AGO2: variants seen among roughly 807,000 people sequenced by gnomAD.
The protein encoded by AGO2 is protein argonaute-2.
AGO2 carries 5 observed loss-of-function variants against 102.3 expected under a neutral mutation model. That is an observed-to-expected ratio of 0.05 (90% CI 0.03 to 0.10). The LOEUF is 0.10. AGO2 is among the 10% of genes least tolerant of loss of function. AGO2 has a pLI of 1.00. For missense variants in AGO2, 541 were observed against 1,183.7 expected (o/e 0.46, Z 7.97); for synonymous variants, 449 against 473.1 (o/e 0.95, Z 0.66).
upstream of AGO2, chr8:140,636,204 C>G (rs577104705): frequency 6.6e-6 from 1 of 152,108 alleles, no homozygotes; most frequent in Non-Finnish European, 1.5e-5. Flanking sequence ...CGGCCGCTCG[C>G]GCAGGACCAC....
intron 1 of AGO2, among the ~76,000 whole-genome samples, chr8:140,610,343 G>C (rs1402844563): frequency 6.6e-6 from 1 of 152,012 alleles, no homozygotes; most frequent in African/African-American, 2.4e-5. Flanking sequence ...TCAGCCTCCC[G>C]AGTAGCTGGG....
Position 140,572,910 on chromosome 8 carries a change from G to C in AGO2, c.238C>G (p.Gln80Glu). The C allele has an allele frequency of 6.2e-7, 1 of 1,612,170 alleles. No homozygotes were observed. Among genetic ancestry groups the C allele is most frequent in the Non-Finnish European group, 8.5e-7 (1 of 1,179,428 alleles). ...VNREIVEHMV[Q>E]HFKTQIFGDR... ...CCAAAGATCTGTGTTTTAAAGTGCT[G>C]GACCATGTGTTCCACGATTTCCCTG... The change falls in exon 3 of 19, where the codon CAG becomes GAG. Residue 80 changes from glutamine to glutamate, a missense_variant. Physicochemically the swap from Gln to Glu is conservative, Grantham distance 29. Transcript: ENST00000220592.
chr8:140,612,631 T>C (rs1389475187), intron 1 of AGO2, among the ~76,000 whole-genome samples: 1 of 151,644 alleles, frequency 6.6e-6, no homozygotes, highest in Admixed American at 6.6e-5. Context: ...GTGGTGGCTG[T>C]AATCCCAGCT....
At position 140,635,518 on chromosome 8, in the gene AGO2, C is replaced by T; in HGVS notation, c.-12G>A. 1.0e-6 allele frequency: 1 copy of T among 979,046 alleles called. No homozygotes were observed. Among genetic ancestry groups the T allele is most frequent in the Non-Finnish European group, 1.2e-6 (1 of 826,978 alleles). 60.6% of individuals were successfully genotyped at this position (979,046 alleles called of 1,614,324 possible). A position where few individuals can be genotyped will look rare whatever the true frequency, so the allele number is the denominator to read the frequency against. ...GCTCCCGAGTACATGGTGGCGCCGC[C>T]GAGGGGCTCCGGGGCCGAGGGGCGG... On this transcript the variant is annotated 5_prime_UTR_variant, in exon 1 of 19. Transcript: ENST00000220592.
chr8:140,573,620 C>T (rs569695856), intron 2 of AGO2, among the ~76,000 whole-genome samples: 5 of 152,346 alleles, frequency 3.3e-5, no homozygotes, highest in Admixed American at 6.5e-5. Context: ...GAACCTGATA[C>T]GCGCTGGGCA....
At position 140,527,130 on chromosome 8, in the gene AGO2, CA is replaced by C. The variant is rs2072520908; in HGVS notation, c.*4913del. Reference sequence around the variant, plus strand: ...ATCAAACAGACCACAACAGTGTTCACAAGACTGCAACGAGTCTGCTTAGGAC... The same window carrying C: ...ATCAAACAGACCACAACAGTGTTCACAGACTGCAACGAGTCTGCTTAGGAC... On this transcript the variant is annotated 3_prime_UTR_variant, in exon 19 of 19. Coordinates refer to ENST00000220592, the MANE Select transcript of AGO2 (RefSeq NM_012154.5). This position sits in a 1 kb window ranked among gnomAD's most constrained non-coding sequence, Gnocchi z 6.0. The C allele has an allele frequency of 6.6e-6, 1 of 152,338 alleles. No homozygotes were observed. Among genetic ancestry groups the C allele is most frequent in the African/African-American group, 2.4e-5 (1 of 41,572 alleles). 9.4% of individuals were successfully genotyped at this position (152,338 alleles called of 1,614,324 possible). A position where few individuals can be genotyped will look rare whatever the true frequency, so the allele number is the denominator to read the frequency against.
chr8:140,532,319 G>C (rs535806194), intron 18 of AGO2, 97 bp downstream of exon 18: 14 of 1,471,366 alleles, frequency 9.5e-6, no homozygotes, highest in Non-Finnish European at 1.3e-5. Context: ...GGCTCCAGCC[G>C]CTGGGGCCCT....
chr8:140,541,185 G>C lies in AGO2; in HGVS notation c.2013C>G (p.Val671=). ...PTRIIFYRDG[V]SEGQFQQVLH... is the part of the protein sequence containing the mutation. ...CCACCTGCTGGAACTGGCCTTCAGAGACACCGTCGCGGTAGAAGATGATGC... is the reference window on the plus strand; with the variant it reads ...CCACCTGCTGGAACTGGCCTTCAGACACACCGTCGCGGTAGAAGATGATGC... The change falls in exon 15 of 19, where the codon GTC becomes GTG. Residue 671 remains valine, a synonymous_variant. Transcript: ENST00000220592. The C allele has an allele frequency of 1.3e-6, 2 of 1,570,120 alleles. No individual in the cohort carries two copies. The highest frequency in any genetic ancestry group is 2.3e-5 in the East Asian group (1 of 42,718).
chr8:140,572,355 G>C (rs2073391756), intron 3 of AGO2: 1 of 153,160 alleles, frequency 6.5e-6, no homozygotes, highest in Non-Finnish European at 1.5e-5. Flanking sequence ...ATTTTCCATA[G>C]GTCTTCTTGT....
chr8:140,640,723 A>G, the AGO2 span, among the ~76,000 whole-genome samples: 4 of 151,806 alleles, frequency 2.6e-5, no homozygotes, highest in East Asian at 2.0e-4. Flanking sequence ...GTTTCACCAT[A>G]TTGGCCAGGC....
intron 1 of AGO2, among the ~76,000 whole-genome samples, chr8:140,595,548 C>G (rs1265932450): frequency 6.8e-6 from 1 of 146,680 alleles, no homozygotes. Context: ...CTCAAGTGAT[C>G]CTCCTGTCCC....
chr8:140,630,185 C>A (rs917230960), intron 1 of AGO2, among the ~76,000 whole-genome samples: 1 of 152,198 alleles, frequency 6.6e-6, no homozygotes. Flanking sequence ...AATGTTCCAG[C>A]CTGTTCATCT....
chr8:140,610,035 A>T (rs1322586688), intron 1 of AGO2, among the ~76,000 whole-genome samples: 1 of 8,394 alleles, frequency 1.2e-4, no homozygotes, highest in Non-Finnish European at 3.4e-4. Context: ...CTCTAAAAAA[A>T]AAAAAAAAAA....
In AGO2 at chr8:140,523,421, A is replaced by G. The variant is rs1396811201; in HGVS notation, c.*8623T>C. The stretch of plus-strand genomic sequence containing the variant: ...ATAAAAATAAAATAAAACTAGAAAA[A>G]TTGATAAAACTAAGGGTTAAAAGCC... On this transcript the variant is annotated 3_prime_UTR_variant, in exon 19 of 19. Transcript: ENST00000220592. The G allele has an allele frequency of 6.6e-6, 1 of 152,174 alleles. No homozygotes were observed. Among genetic ancestry groups the G allele is most frequent in the Non-Finnish European group, 1.5e-5 (1 of 68,032 alleles). 9.4% of individuals were successfully genotyped at this position (152,174 alleles called of 1,614,324 possible).
intron 3 of AGO2, among the ~76,000 whole-genome samples, chr8:140,570,273 T>A (rs2073357404): frequency 6.6e-6 from 1 of 152,234 alleles, no homozygotes; most frequent in African/African-American, 2.4e-5. Flanking sequence ...TGCCCAAGGC[T>A]GGAGTGCAAT....
rs895588921 is a variant in AGO2 at position 140,521,562 on chromosome 8, C to G, written c.*10482G>C. On this transcript the variant is annotated 3_prime_UTR_variant, in exon 19 of 19. Transcript: ENST00000220592. The stretch of plus-strand genomic sequence containing the variant: ...AAAGAATTAAGTAAAAAAAGATCGC[C>G]ATAGTAGGAAAAGTCTAGAATTGTA... The G allele has an allele frequency of 6.6e-6, 1 of 152,204 alleles. No individual in the cohort carries two copies. Among genetic ancestry groups the G allele is most frequent in the African/African-American group, 2.4e-5 (1 of 41,456 alleles). The allele number at this position is 152,204 out of a possible 1,614,324, so 9.4% of individuals were successfully genotyped here.
chr8:140,546,982 T>A (rs969695620), intron 13 of AGO2, among the ~76,000 whole-genome samples: 1 of 151,454 alleles, frequency 6.6e-6, no homozygotes, highest in Non-Finnish European at 1.5e-5. Context: ...GACCGGCAGG[T>A]GGCCAGCGCT....
chr8:140,614,354 A>T (rs995037783), intron 1 of AGO2, among the ~76,000 whole-genome samples: 2 of 152,172 alleles, frequency 1.3e-5, no homozygotes, highest in African/African-American at 4.8e-5. Flanking sequence ...GCAGGACTCA[A>T]GTCAATATTC....
chr8:140,550,412 C>T (rs952324488), intron 11 of AGO2, among the ~76,000 whole-genome samples: 10 of 152,326 alleles, frequency 6.6e-5, no homozygotes, highest in Admixed American at 4.6e-4. Context: ...CCGCTGGGCC[C>T]GTACCTGGCA....
Sources: gnomAD v4.1 joint callset for allele counts (sites outside exome capture counted in the v4.1 genomes callset) on GRCh38, gnomAD v4.1.1 for gene constraint, Gnocchi (gnomAD v3.1) non-coding constraint, MANE v1.5 for transcripts, NCBI Gene and HGNC (gene_info 2026-07-23, HGNC 2026-07-21) for gene names.